SAMD5: variants seen among roughly 807,000 people sequenced by gnomAD.
SAMD5 encodes sterile alpha motif domain containing 5, also known as sterile alpha motif domain-containing protein 5.
In SAMD5, 13 loss-of-function variants were observed where a neutral mutation model predicts 11.3. The observed-to-expected ratio is 1.15, with a 90% CI of 0.75 to 1.83. The LOEUF is 1.83. SAMD5 is among the 40% of genes most tolerant of loss of function. The pLI is 0.00. For missense variants in SAMD5, 255 were observed against 239.1 expected, an observed-to-expected ratio of 1.07 and a Z score of -0.44; for synonymous variants, 129 against 111.3, an observed-to-expected ratio of 1.16 and a Z score of -1.00.
intron 1 of SAMD5, among the ~76,000 whole-genome samples, chr6:147,527,008 A>AG (rs1404160621): frequency 1.9e-4 from 29 of 152,302 alleles, no homozygotes; most frequent in African/African-American, 6.5e-4. Context: ...TCTCTTCAGG[A>AG]GTTCCTAATC....
the SAMD5 span, among the ~76,000 whole-genome samples, chr6:147,821,990 T>G: frequency 5.3e-5 from 8 of 152,158 alleles, no homozygotes; most frequent in East Asian, 1.9e-4. Flanking sequence ...AGAAAAAATT[T>G]GGGCATCTTT....
the SAMD5 span, among the ~76,000 whole-genome samples, chr6:147,871,463 C>T: frequency 3.3e-5 from 5 of 152,036 alleles, no homozygotes; most frequent in Admixed American, 2.6e-4. Context: ...AAAAACAGGA[C>T]AAGACAAATC....
At chr6:147,540,947 T>G (rs906040294) in intron 1 of SAMD5, among the ~76,000 whole-genome samples, 27 of 140,758 alleles carry the variant, frequency 1.9e-4, no homozygotes, top group African/African-American at 6.1e-4. Context: ...TTTTTTTTTT[T>G]TTTTTTTTTT....
At chr6:147,648,759 A>C (rs1790440295) in intron 1 of SAMD5, among the ~76,000 whole-genome samples, 1 of 152,262 alleles carries the variant, frequency 6.6e-6, no homozygotes, top group Admixed American at 6.5e-5. Context: ...ACATAAAGAA[A>C]GTAATTGGTC....
the SAMD5 span, among the ~76,000 whole-genome samples, chr6:147,758,640 T>C: frequency 6.6e-6 from 1 of 152,214 alleles, no homozygotes; most frequent in East Asian, 1.9e-4. Flanking sequence ...ACCCAGCAAG[T>C]GGAAGAAGGA....
chr6:147,585,846 C>T (rs1789366194), intron 1 of SAMD5, among the ~76,000 whole-genome samples: 1 of 152,112 alleles, frequency 6.6e-6, no homozygotes, highest in South Asian at 2.1e-4. Context: ...CATACATTCA[C>T]ACCGTGAAGG....
At chr6:147,547,068 CCT>C (rs778462360) in intron 1 of SAMD5, among the ~76,000 whole-genome samples, 17 of 152,180 alleles carry the variant, frequency 1.1e-4, no homozygotes, top group Non-Finnish European at 1.9e-4. Context: ...CCCTCTTTCC[CCT>C]GTTGAATGCT....
intron 1 of SAMD5, among the ~76,000 whole-genome samples, chr6:147,522,386 T>G (rs1788267835): frequency 6.6e-6 from 1 of 152,172 alleles, no homozygotes; most frequent in Non-Finnish European, 1.5e-5. Context: ...TTTTCCTAAT[T>G]TTGTAGGAGT....
the SAMD5 span, among the ~76,000 whole-genome samples, chr6:147,918,248 G>A: frequency 1.3e-5 from 2 of 152,202 alleles, no homozygotes; most frequent in Non-Finnish European, 2.9e-5. Flanking sequence ...TTGAGCAGTG[G>A]TTTGTAGTTC....
chr6:147,891,153 T>C, the SAMD5 span, among the ~76,000 whole-genome samples: 259 of 152,306 alleles, frequency 1.7e-3, no homozygotes, highest in African/African-American at 5.8e-3. Context: ...TGGAAGGCTA[T>C]GAATTCAGTA....
chr6:147,900,200 TG>T, the SAMD5 span, among the ~76,000 whole-genome samples: 1 of 152,148 alleles, frequency 6.6e-6, no homozygotes, highest in Non-Finnish European at 1.5e-5. Flanking sequence ...GTTCCCAACT[TG>T]TCAGGACCCA....
chr6:147,622,017 A>C (rs1789978405), intron 1 of SAMD5, among the ~76,000 whole-genome samples: 2 of 150,988 alleles, frequency 1.3e-5, no homozygotes, highest in Non-Finnish European at 3.0e-5. Flanking sequence ...CCAGTAGATG[A>C]AGAGAGAAGA....
At chr6:147,630,238 C>T (rs915723012) in intron 1 of SAMD5, among the ~76,000 whole-genome samples, 3 of 152,086 alleles carry the variant, frequency 2.0e-5, no homozygotes, top group African/African-American at 4.8e-5. Flanking sequence ...TGTAAGCCAC[C>T]GCACCCAGCC....
chr6:147,714,040 G>T (rs1328867867), intron 1 of SAMD5, among the ~76,000 whole-genome samples: 1 of 152,148 alleles, frequency 6.6e-6, no homozygotes, highest in African/African-American at 2.4e-5. Flanking sequence ...AAATAAAACA[G>T]CCCTAAAAGA....
At chr6:147,767,507 A>G in the SAMD5 span, among the ~76,000 whole-genome samples, 1 of 149,722 alleles carries the variant, frequency 6.7e-6, no homozygotes, top group East Asian at 1.9e-4. Context: ...CCAATATGGT[A>G]TTTGGAGGTG....
chr6:147,554,341 A>T (rs915767864), intron 1 of SAMD5, among the ~76,000 whole-genome samples: 2 of 152,170 alleles, frequency 1.3e-5, no homozygotes, highest in African/African-American at 2.4e-5. Context: ...ATCAACATGC[A>T]AATGTGCCTG....
the SAMD5 span, among the ~76,000 whole-genome samples, chr6:147,768,968 A>G: frequency 7.2e-5 from 11 of 152,124 alleles, no homozygotes; most frequent in African/African-American, 2.4e-4. Flanking sequence ...TAATTTTTAT[A>G]TTTTTAGTAG....
chr6:147,730,467 A>G (rs1252172770), intron 1 of SAMD5, among the ~76,000 whole-genome samples: 1 of 152,086 alleles, frequency 6.6e-6, no homozygotes, highest in African/African-American at 2.4e-5. Flanking sequence ...AAATCAAGAT[A>G]CCCCAAGGTT....
At chr6:147,703,421 G>A (rs1791282827) in intron 1 of SAMD5, among the ~76,000 whole-genome samples, 1 of 152,120 alleles carries the variant, frequency 6.6e-6, no homozygotes, top group Admixed American at 6.6e-5. Context: ...TTGACGGTCT[G>A]CATTTCATTT....
Sources: gnomAD v4.1 joint callset for allele counts (sites outside exome capture counted in the v4.1 genomes callset) on GRCh38, gnomAD v4.1.1 for gene constraint, MANE v1.5 for transcripts, NCBI Gene and HGNC (gene_info 2026-07-23, HGNC 2026-07-21) for gene names.